Variants in HPSE2 observed in about 807,000 individuals in gnomAD.
HPSE2 encodes inactive heparanase-2.
Under a neutral mutation model 60.5 loss-of-function variants are expected in HPSE2, and 38 were observed. The ratio of observed to expected loss-of-function variants is 0.63; its 90% CI spans 0.48 to 0.82. HPSE2 has a LOEUF of 0.82. Among genes scored for constraint, HPSE2 ranks in the 40% least tolerant of loss-of-function variants. The pLI, the probability that HPSE2 is intolerant of heterozygous loss-of-function variation, is 0.00. For synonymous variants in HPSE2, 295 were observed against 293.2 expected, an observed-to-expected ratio of 1.01 and a Z score of -0.06; for missense variants, 713 against 740.4, an observed-to-expected ratio of 0.96 and a Z score of 0.43.
At chr10:98,534,215 T>C (rs1178835744) in intron 9 of HPSE2, among the ~76,000 whole-genome samples, 4 of 152,284 alleles carry the variant, frequency 2.6e-5, no homozygotes, top group Non-Finnish European at 5.9e-5. Context: ...AATTTGATTC[T>C]TAAAGTTCCT....
At chr10:98,467,959 G>C (rs868753858) in intron 11 of HPSE2, among the ~76,000 whole-genome samples, 1 of 152,228 alleles carries the variant, frequency 6.6e-6, no homozygotes, top group African/African-American at 2.4e-5. Flanking sequence ...TGCGGCGCCC[G>C]CCACGACTCG....
intron 2 of HPSE2, among the ~76,000 whole-genome samples, chr10:99,147,883 C>A (rs543160684): frequency 5.9e-5 from 9 of 152,230 alleles, no homozygotes; most frequent in African/African-American, 1.9e-4. Flanking sequence ...AATCTAAAAA[C>A]TTAGGCTGAA....
intron 4 of HPSE2, among the ~76,000 whole-genome samples, chr10:98,730,457 G>A (rs1589724962): frequency 1.3e-5 from 2 of 151,574 alleles, no homozygotes; most frequent in East Asian, 1.9e-4. Flanking sequence ...GCAAAACAAA[G>A]GAATGAAATA....
chr10:99,308,845 T>G, the HPSE2 span, among the ~76,000 whole-genome samples: 2 of 152,322 alleles, frequency 1.3e-5, no homozygotes, highest in African/African-American at 2.4e-5. Flanking sequence ...ATTCATTTGA[T>G]GAATCTAATT....
chr10:99,055,184 T>C (rs978820229), intron 3 of HPSE2, among the ~76,000 whole-genome samples: 5 of 152,126 alleles, frequency 3.3e-5, no homozygotes, highest in Admixed American at 6.5e-5. Flanking sequence ...ATGGCCCAGA[T>C]GTTGGACTTA....
intron 3 of HPSE2, among the ~76,000 whole-genome samples, chr10:98,891,228 C>G (rs918436106): frequency 6.6e-6 from 1 of 152,016 alleles, no homozygotes; most frequent in East Asian, 1.9e-4. Flanking sequence ...CCAGTAAAAA[C>G]CATTTGAATA....
At chr10:98,745,216 A>G (rs1039690610) in intron 3 of HPSE2, among the ~76,000 whole-genome samples, 1 of 152,190 alleles carries the variant, frequency 6.6e-6, no homozygotes, top group African/African-American at 2.4e-5. Context: ...AAATAAATAA[A>G]ATAAAAAAAA....
At chr10:98,556,994 G>C (rs944966708) in intron 9 of HPSE2, among the ~76,000 whole-genome samples, 1 of 151,424 alleles carries the variant, frequency 6.6e-6, no homozygotes, top group Non-Finnish European at 1.5e-5. Context: ...CGTGGATCTC[G>C]AGGTCAGGAG....
At chr10:99,132,241 G>GAGAAAGAAAGAAAGAAAGAAAGAAAGAA (rs1162292360) in intron 3 of HPSE2, among the ~76,000 whole-genome samples, 12 of 28,958 alleles carry the variant, frequency 4.1e-4, no homozygotes, top group South Asian at 1.4e-3. Flanking sequence ...GAGAGAGAGA[G>GAGAAAGAAAGAAAGAAAGAAAGAAAGAA]AGAAAGAAAG....
intron 3 of HPSE2, among the ~76,000 whole-genome samples, chr10:99,039,046 G>A (rs528651110): frequency 2.0e-5 from 3 of 152,178 alleles, no homozygotes; most frequent in Admixed American, 2.0e-4. Context: ...GTCTTCAGAG[G>A]GCGCGTATCA....
intron 9 of HPSE2, among the ~76,000 whole-genome samples, chr10:98,528,487 T>C (rs1450297487): frequency 6.6e-6 from 1 of 151,224 alleles, no homozygotes; most frequent in Non-Finnish European, 1.5e-5. Context: ...GCAAAGAGGA[T>C]GGATGATGCT....
chr10:98,826,163 A>C (rs1319352469), intron 3 of HPSE2, among the ~76,000 whole-genome samples: 1 of 152,194 alleles, frequency 6.6e-6, no homozygotes, highest in Non-Finnish European at 1.5e-5. Context: ...GACTTTGTCT[A>C]TCTTGTTCAC....
chr10:99,235,938 ACTCTCT>A, upstream of HPSE2: 1 of 603,282 alleles, frequency 1.7e-6, no homozygotes, highest in South Asian at 1.7e-5. Flanking sequence ...ACACACACAC[ACTCTCT>A]CTCTCTCCCG....
intron 3 of HPSE2, among the ~76,000 whole-genome samples, chr10:98,922,552 GA>G (rs1325390518): frequency 6.6e-6 from 1 of 152,056 alleles, no homozygotes; most frequent in Admixed American, 6.6e-5. Flanking sequence ...ATTGTAAACA[GA>G]AAAAAATGAA....
At chr10:98,584,518 T>C (rs1318798829) in intron 9 of HPSE2, among the ~76,000 whole-genome samples, 1 of 152,182 alleles carries the variant, frequency 6.6e-6, no homozygotes, top group Non-Finnish European at 1.5e-5. Flanking sequence ...GAAAAATCCA[T>C]CAACCCCTCA....
chr10:98,559,659 G>T (rs755275244), intron 9 of HPSE2, among the ~76,000 whole-genome samples: 10 of 152,126 alleles, frequency 6.6e-5, no homozygotes, highest in Non-Finnish European at 1.2e-4. Flanking sequence ...TTCAAGAGCA[G>T]GTGAAGAGCA....
chr10:98,853,329 T>C (rs1342747247), intron 3 of HPSE2, among the ~76,000 whole-genome samples: 1 of 152,194 alleles, frequency 6.6e-6, no homozygotes, highest in Non-Finnish European at 1.5e-5. Context: ...ATTTGTTTCA[T>C]TCCTTTCCAG....
At chr10:99,188,717 G>A (rs1848118203) in intron 2 of HPSE2, among the ~76,000 whole-genome samples, 1 of 152,192 alleles carries the variant, frequency 6.6e-6, no homozygotes, top group South Asian at 2.1e-4. Flanking sequence ...AATAGGACTT[G>A]GAAGGCAGGA....
At chr10:98,837,593 G>C (rs75155928) in intron 3 of HPSE2, among the ~76,000 whole-genome samples, 9,236 of 152,184 alleles carry the variant, frequency 0.061, 895 homozygotes, top group African/African-American at 0.21. Flanking sequence ...AGAAACCTCC[G>C]GCCGGGCGTG....
Sources: gnomAD v4.1 joint callset for allele counts (sites outside exome capture counted in the v4.1 genomes callset) on GRCh38, gnomAD v4.1.1 for gene constraint, MANE v1.5 for transcripts, NCBI Gene and HGNC (gene_info 2026-07-23, HGNC 2026-07-21) for gene names.